RIT2: variants seen among roughly 807,000 people sequenced by gnomAD.
RIT2 encodes the protein Ras like without CAAX 2.
A neutral mutation model predicts 23.7 loss-of-function variants in RIT2; 24 were observed. That is an observed-to-expected ratio of 1.01 (90% CI 0.73 to 1.43). The LOEUF is 1.43. Ranked by LOEUF, RIT2 falls within the 40% of genes most tolerant of loss-of-function variation. RIT2 has a pLI of 0.00. For synonymous variants in RIT2, 107 were observed against 91.1 expected, an observed-to-expected ratio of 1.17 and a Z score of -0.99; for missense variants, 236 against 266.9, an observed-to-expected ratio of 0.88 and a Z score of 0.81.
chr18:43,060,754 C>T (rs1912623595), intron 1 of RIT2, among the ~76,000 whole-genome samples: 1 of 152,148 alleles, frequency 6.6e-6, no homozygotes, highest in Admixed American at 6.5e-5. Flanking sequence ...TACAGATTTT[C>T]TCTGGTGTAC....
chr18:42,986,872 C>A (rs561527426), intron 2 of RIT2, among the ~76,000 whole-genome samples: 1 of 152,060 alleles, frequency 6.6e-6, no homozygotes, highest in Non-Finnish European at 1.5e-5. Flanking sequence ...AGCTGTATAA[C>A]TTTATTAACA....
intron 3 of RIT2, among the ~76,000 whole-genome samples, chr18:42,954,827 A>G (rs1909935507): frequency 6.6e-6 from 1 of 152,140 alleles, no homozygotes; most frequent in Non-Finnish European, 1.5e-5. Flanking sequence ...CCTTTCAAAA[A>G]TATGTCACTT....
At chr18:43,056,398 A>T (rs1422396830) in intron 1 of RIT2, among the ~76,000 whole-genome samples, 50 of 152,112 alleles carry the variant, frequency 3.3e-4, no homozygotes, top group Non-Finnish European at 2.9e-5. Flanking sequence ...GATTGTGCAG[A>T]CACTGTCATC....
intron 1 of RIT2, among the ~76,000 whole-genome samples, chr18:43,102,471 G>A (rs1913709807): frequency 1.9e-5 from 2 of 103,008 alleles, no homozygotes; most frequent in Admixed American, 1.0e-4. Context: ...TTTTTTTTCC[G>A]GAGAGTAGTC....
In RIT2 at chr18:43,115,468, A is replaced by G. The variant is rs753566491; in HGVS notation, c.52T>C (p.Ser18Pro). Residue 18 changes from serine to proline, a missense_variant, in exon 1 of 5, where the codon TCC becomes CCC. Physicochemically the swap from Ser to Pro is moderately conservative, Grantham distance 74. Transcript: ENST00000326695. ...SCSPGSASGG[S>P]REYKVVMLGA... is the part of the protein sequence containing the mutation. ...AGCATTACCACCTTGTACTCTCTGG[A>G]CCCGCCTGATGCGCTGCCCGGGGAG... 6.2e-7 allele frequency: 1 copy of G among 1,613,448 alleles called. No homozygotes were observed. The highest frequency in any genetic ancestry group is 1.3e-5 in the African/African-American group (1 of 74,824).
At chr18:42,753,392 T>C (rs1913091134) in intron 4 of RIT2, among the ~76,000 whole-genome samples, 1 of 152,204 alleles carries the variant, frequency 6.6e-6, no homozygotes, top group Non-Finnish European at 1.5e-5. Flanking sequence ...ACTGCTTTGC[T>C]ATAATTGCTA....
At chr18:42,982,650 G>C (rs2144215804) in intron 2 of RIT2, among the ~76,000 whole-genome samples, 1 of 152,170 alleles carries the variant, frequency 6.6e-6, no homozygotes, top group South Asian at 2.1e-4. Context: ...TAGACTTTTG[G>C]GATGTAGATT....
chr18:42,810,849 C>T (rs1035074008), intron 4 of RIT2, among the ~76,000 whole-genome samples: 8 of 151,996 alleles, frequency 5.3e-5, no homozygotes, highest in Admixed American at 1.3e-4. Context: ...TGGTTTTACA[C>T]GTTGTGACTC....
At chr18:43,110,269 T>A (rs1001976587) in intron 1 of RIT2, among the ~76,000 whole-genome samples, 19 of 151,700 alleles carry the variant, frequency 1.3e-4, no homozygotes, top group African/African-American at 4.4e-4. Flanking sequence ...TATGTACCCA[T>A]AAAAATAAAA....
chr18:42,748,739 T>TAC (rs1184978910), intron 4 of RIT2, among the ~76,000 whole-genome samples: 7 of 151,872 alleles, frequency 4.6e-5, no homozygotes, highest in African/African-American at 1.7e-4. Context: ...ATAAGAAAGA[T>TAC]ACAATGGATT....
intron 4 of RIT2, among the ~76,000 whole-genome samples, chr18:42,778,315 T>A (rs2143927443): frequency 6.6e-6 from 1 of 152,316 alleles, no homozygotes; most frequent in East Asian, 1.9e-4. Context: ...TTCCATCAAT[T>A]AAGAAAACAG....
rs911526132 is a variant in RIT2, at chr18:42,929,084, G to A, written c.235-5321C>T. Reference sequence around the variant, plus strand: ...TTATATGAGACAAATAAAAATTAGAGCATCAGAACCAGGATAGAGTGAGGA... The same window carrying A: ...TTATATGAGACAAATAAAAATTAGAACATCAGAACCAGGATAGAGTGAGGA... On this transcript the variant is annotated intron_variant, in intron 3 of 4. Transcript: ENST00000326695. Among the ~76,000 whole-genome samples, 3 of 111,580 alleles carry A rather than the reference G, an allele frequency of 2.7e-5. No individual in the cohort carries two copies. The South Asian group carries it at 8.5e-4, about 32-fold the overall frequency. The allele number at this position is 111,580 out of a possible 152,430, so 73.2% of individuals were successfully genotyped here. A position where few individuals can be genotyped will look rare whatever the true frequency, so the allele number is the denominator to read the frequency against.
intron 1 of RIT2, among the ~76,000 whole-genome samples, chr18:43,089,536 T>A (rs1171986304): frequency 6.6e-6 from 1 of 150,802 alleles, no homozygotes; most frequent in East Asian, 2.0e-4. Flanking sequence ...TTATAAAATT[T>A]ACATGGAACC....
chr18:42,991,487 A>C (rs1324078858), intron 2 of RIT2, among the ~76,000 whole-genome samples: 2 of 152,294 alleles, frequency 1.3e-5, no homozygotes, highest in African/African-American at 2.4e-5. Flanking sequence ...AATTTTGGGC[A>C]CCTTGAAATT....
At chr18:42,800,078 C>G (rs1470492738) in intron 4 of RIT2, among the ~76,000 whole-genome samples, 1 of 152,086 alleles carries the variant, frequency 6.6e-6, no homozygotes, top group East Asian at 1.9e-4. Context: ...CAGTCTGGCT[C>G]AATAAACATT....
chr18:42,901,547 A>G (rs1238628157), intron 4 of RIT2, among the ~76,000 whole-genome samples: 1 of 152,044 alleles, frequency 6.6e-6, no homozygotes, highest in Non-Finnish European at 1.5e-5. Flanking sequence ...AAATCTCCCA[A>G]TTATAAAAGA....
At chr18:43,053,550 T>A (rs1296781008) in intron 1 of RIT2, among the ~76,000 whole-genome samples, 1 of 152,032 alleles carries the variant, frequency 6.6e-6, no homozygotes, top group Non-Finnish European at 1.5e-5. Context: ...AGATAAATAT[T>A]TTTTGTTATC....
intron 4 of RIT2, among the ~76,000 whole-genome samples, chr18:42,884,576 C>T (rs892123081): frequency 1.3e-5 from 2 of 152,184 alleles, no homozygotes; most frequent in Non-Finnish European, 2.9e-5. Context: ...CCCAGTACCA[C>T]TTTCATTATT....
At chr18:42,862,208 A>T (rs1442997240) in intron 4 of RIT2, among the ~76,000 whole-genome samples, 2 of 152,044 alleles carry the variant, frequency 1.3e-5, no homozygotes, top group Non-Finnish European at 2.9e-5. Context: ...TGTTCTTATG[A>T]TAGAGAGCGA....
Sources: gnomAD v4.1 joint callset for allele counts (sites outside exome capture counted in the v4.1 genomes callset) on GRCh38, gnomAD v4.1.1 for gene constraint, MANE v1.5 for transcripts, NCBI Gene and HGNC (gene_info 2026-07-23, HGNC 2026-07-21) for gene names.